NRXN3: variants seen among roughly 807,000 people sequenced by gnomAD.
NRXN3 encodes neurexin 3.
Under a neutral mutation model 137.6 loss-of-function variants are expected in NRXN3, and 32 were observed. That is an observed-to-expected ratio of 0.23 (90% CI 0.18 to 0.31). The LOEUF is 0.31. Among genes scored for constraint, NRXN3 ranks in the 10% least tolerant of loss-of-function variants. NRXN3 has a pLI of 1.00. For synonymous variants in NRXN3, 798 were observed against 784.5 expected (o/e 1.02, Z -0.29); for missense variants, 1,574 against 2,062.5 (o/e 0.76, Z 4.59).
At chr14:78,291,360 A>G (rs2075786555) in intron 3 of NRXN3, among the ~76,000 whole-genome samples, 3 of 152,240 alleles carry the variant, frequency 2.0e-5, no homozygotes, top group Admixed American at 2.0e-4. Context: ...TCTGTGATAA[A>G]CAACCAGCAG....
chr14:79,146,623 A>C (rs2153015636), intron 15 of NRXN3, among the ~76,000 whole-genome samples: 1 of 152,262 alleles, frequency 6.6e-6, no homozygotes, highest in East Asian at 1.9e-4. Context: ...TGGAGAAAAG[A>C]GCGTGCATCA....
chr14:79,139,104 G>A (rs915757816), intron 15 of NRXN3, among the ~76,000 whole-genome samples: 1 of 152,192 alleles, frequency 6.6e-6, no homozygotes, highest in Non-Finnish European at 1.5e-5. Flanking sequence ...CCTGAATTGT[G>A]CCTTTGAATG....
At chr14:78,942,868 G>A (rs2099355795) in intron 10 of NRXN3, among the ~76,000 whole-genome samples, 1 of 151,990 alleles carries the variant, frequency 6.6e-6, no homozygotes, top group Non-Finnish European at 1.5e-5. Flanking sequence ...ACATCACTAT[G>A]TACCCTGTAA....
chr14:79,264,224 G>T (rs895613238), intron 15 of NRXN3, among the ~76,000 whole-genome samples: 1 of 152,004 alleles, frequency 6.6e-6, no homozygotes, highest in Non-Finnish European at 1.5e-5. Context: ...AGGTAGCTGG[G>T]GTTACAGAAG....
At chr14:79,125,554 A>G (rs2056258537) in intron 15 of NRXN3, among the ~76,000 whole-genome samples, 1 of 152,174 alleles carries the variant, frequency 6.6e-6, no homozygotes, top group African/African-American at 2.4e-5. Flanking sequence ...AGACAACTCC[A>G]GTTCCTGCTC....
intron 4 of NRXN3, among the ~76,000 whole-genome samples, chr14:78,375,214 G>A (rs1039910758): frequency 6.6e-6 from 1 of 152,188 alleles, no homozygotes; most frequent in Non-Finnish European, 1.5e-5. Context: ...CGCTGTTAAA[G>A]TGTTTCTATT....
At chr14:79,168,794 AC>A (rs139041088) in intron 15 of NRXN3, among the ~76,000 whole-genome samples, 5,251 of 152,138 alleles carry the variant, frequency 0.035, 253 homozygotes, top group East Asian at 0.23. Context: ...AAAAATCACC[AC>A]TTATGTTTCT....
chr14:78,262,093 A>G (rs1340457824), intron 2 of NRXN3, among the ~76,000 whole-genome samples: 2 of 152,204 alleles, frequency 1.3e-5, no homozygotes, highest in Non-Finnish European at 2.9e-5. Context: ...GTGACATCCA[A>G]AGATGAGAAG....
At chr14:78,494,675 C>T (rs1053196007) in intron 4 of NRXN3, among the ~76,000 whole-genome samples, 6 of 152,092 alleles carry the variant, frequency 3.9e-5, no homozygotes, top group Non-Finnish European at 5.9e-5. Flanking sequence ...ATATGTGATT[C>T]CTGCCCTGAT....
intron 4 of NRXN3, among the ~76,000 whole-genome samples, chr14:78,456,826 T>TTTCTTTCC (rs1567644555): frequency 7.8e-6 from 1 of 127,408 alleles, no homozygotes; most frequent in African/African-American, 2.6e-5. Flanking sequence ...TCTTTCTTTC[T>TTTCTTTCC]TTCTTTCTTT....
At position 78,938,848 on chromosome 14, in the gene NRXN3, C is replaced by CTTTTTTTTT. The variant is rs1255540319; in HGVS notation, c.2276-18386_2276-18378dup. On this transcript the variant is annotated intron_variant, in intron 10 of 20. Transcript: ENST00000335750. ...TATTTGAAGGTCCAGAGTGATTTTT[C>CTTTTTTTTT]TTTTTTTTTTTTTTTTGAGATGGAG... Among the ~76,000 whole-genome samples, 87 of 132,000 alleles carry CTTTTTTTTT rather than the reference C, an allele frequency of 6.6e-4. 1 individual carries two copies. Among genetic ancestry groups the CTTTTTTTTT allele is most frequent in the Admixed American group, 9.8e-4 (13 of 13,214 alleles). The allele number at this position is 132,000 out of a possible 152,430, so 86.6% of individuals were successfully genotyped here.
intron 6 of NRXN3, among the ~76,000 whole-genome samples, chr14:78,668,076 G>A (rs567447251): frequency 1.1e-4 from 17 of 152,238 alleles, no homozygotes; most frequent in South Asian, 2.1e-4. Flanking sequence ...GTGAGCCACC[G>A]CGCCTGACCA....
At chr14:79,809,690 T>C (rs1344446796) in intron 20 of NRXN3, among the ~76,000 whole-genome samples, 1 of 152,238 alleles carries the variant, frequency 6.6e-6, no homozygotes, top group East Asian at 1.9e-4. Context: ...TTGTAAATGT[T>C]AATTGTGTTC....
chr14:79,712,057 C>T lies in NRXN3; in HGVS notation c.4014+14120C>T, dbSNP rs535753468. Among the ~76,000 whole-genome samples the T allele has an allele frequency of 1.9e-4, 29 of 152,164 alleles. No individual in the cohort carries two copies. The East Asian group carries it at 3.7e-3, about 19-fold the overall frequency. ...GGCCTCAGACTTTGTTTTCTGAAAA[C>T]GCAGCTGAAGATAGATAGATAGCAT... On this transcript the variant is annotated intron_variant, in intron 19 of 20. Transcript: ENST00000335750.
At chr14:79,356,168 C>T (rs1226980864) in intron 15 of NRXN3, among the ~76,000 whole-genome samples, 1 of 152,014 alleles carries the variant, frequency 6.6e-6, no homozygotes, top group Non-Finnish European at 1.5e-5. Context: ...GTTAAATTAT[C>T]CTAATGTAAA....
intron 19 of NRXN3, among the ~76,000 whole-genome samples, chr14:79,752,380 A>G (rs2099001091): frequency 1.3e-5 from 2 of 152,156 alleles, no homozygotes; most frequent in South Asian, 4.1e-4. Flanking sequence ...ATATAGATCA[A>G]TGGAACAGAA....
chr14:78,736,626 A>G (rs192752180), intron 8 of NRXN3, among the ~76,000 whole-genome samples: 3 of 152,314 alleles, frequency 2.0e-5, no homozygotes, highest in Admixed American at 1.3e-4. Flanking sequence ...AATAAGGACT[A>G]TTATTCCCAC....
At chr14:78,180,246 G>A (rs537886096) in intron 1 of NRXN3, among the ~76,000 whole-genome samples, 1 of 152,272 alleles carries the variant, frequency 6.6e-6, no homozygotes, top group African/African-American at 2.4e-5. Context: ...AGGTCAAAGA[G>A]TTGGCAAGGT....
At chr14:78,773,783 T>C (rs568630543) in intron 8 of NRXN3, among the ~76,000 whole-genome samples, 1 of 152,208 alleles carries the variant, frequency 6.6e-6, no homozygotes, top group East Asian at 1.9e-4. Flanking sequence ...TCCTATACTT[T>C]ATTTACTTAT....
Sources: allele counts gnomAD v4.1 joint callset (sites outside exome capture counted in the v4.1 genomes callset), GRCh38; gene constraint gnomAD v4.1.1; transcripts MANE v1.5; gene names NCBI Gene and HGNC (gene_info 2026-07-23, HGNC 2026-07-21).